CHRM3: variants seen among roughly 807,000 people sequenced by gnomAD.
The protein encoded by CHRM3 is muscarinic acetylcholine receptor M3.
CHRM3 carries 11 observed loss-of-function variants against 41.8 expected under a neutral mutation model. The ratio of observed to expected loss-of-function variants is 0.26; its 90% CI spans 0.17 to 0.44. The LOEUF is 0.44. Among genes scored for constraint, CHRM3 ranks in the 20% least tolerant of loss-of-function variants. CHRM3 has a pLI of 1.00. For missense variants in CHRM3, 571 were observed against 745.4 expected (o/e 0.77, Z 2.72); for synonymous variants, 297 against 301.4 (o/e 0.99, Z 0.15).
chr1:239,794,384 G>GTTT, intron 5 of CHRM3, among the ~76,000 whole-genome samples: 1 of 119,150 alleles, frequency 8.4e-6, no homozygotes. Context: ...TAATTCGTTT[G>GTTT]TTGTTTTTTT....
rs1366088909 is a variant in CHRM3, at chr1:239,579,655, A to AT, written c.-313+33913dup. 5.3e-5 allele frequency among the ~76,000 whole-genome samples: 8 copies of AT among 152,146 alleles called. No homozygotes were observed. In the East Asian group the frequency reaches 1.4e-3, roughly 26 times the overall value. ...GTGGGGTTTCTTATTCCTAAAATAAATTTTTTTGCCTTCAATAATTGTTGT... is the reference window on the plus strand; with the variant it reads ...GTGGGGTTTCTTATTCCTAAAATAAATTTTTTTTGCCTTCAATAATTGTTGT... On this transcript the variant is annotated intron_variant, in intron 3 of 6. Coordinates refer to ENST00000676153, the MANE Select transcript of CHRM3 (RefSeq NM_001375978.1).
At chr1:239,710,701 TA>T (rs941222733) in intron 5 of CHRM3, among the ~76,000 whole-genome samples, 35 of 152,196 alleles carry the variant, frequency 2.3e-4, no homozygotes, top group African/African-American at 8.2e-4. Flanking sequence ...AGTAAATTAA[TA>T]TTTTTTTCTT....
At chr1:239,733,352 A>G (rs759578244) in intron 5 of CHRM3, among the ~76,000 whole-genome samples, 3 of 152,076 alleles carry the variant, frequency 2.0e-5, no homozygotes, top group Non-Finnish European at 4.4e-5. Flanking sequence ...AAAATTCAAA[A>G]TGAAGATACC....
In CHRM3 at chr1:239,748,419, TC is replaced by T. The variant is rs997951554; in HGVS notation, c.-147+70133del. Among the ~76,000 whole-genome samples, 2 of 152,176 alleles carry T rather than the reference TC, an allele frequency of 1.3e-5. No individual in the cohort carries two copies. The highest frequency in any genetic ancestry group is 2.4e-5 in the African/African-American group (1 of 41,438). The stretch of plus-strand genomic sequence containing the variant: ...TTACTGCCACTCCATGGTGCACATT[TC>T]CTGAGCCATTATTCTGGAAAAGGAT... On this transcript the variant is annotated intron_variant, in intron 5 of 6. Coordinates refer to ENST00000676153, the MANE Select transcript of CHRM3 (RefSeq NM_001375978.1). This position sits in a 1 kb window ranked among gnomAD's most constrained non-coding sequence, Gnocchi z 4.3.
intron 5 of CHRM3, among the ~76,000 whole-genome samples, chr1:239,785,252 G>A (rs556104355): frequency 5.9e-5 from 9 of 152,246 alleles, no homozygotes; most frequent in South Asian, 2.1e-4. Context: ...TCCTCAGGCC[G>A]TGATTGTAGA....
intron 6 of CHRM3, among the ~76,000 whole-genome samples, chr1:239,878,653 T>C (rs1677325150): frequency 6.6e-6 from 1 of 151,844 alleles, no homozygotes; most frequent in Non-Finnish European, 1.5e-5. Flanking sequence ...ATATATACCA[T>C]ATATATGCCC....
chr1:239,390,750 C>T (rs746620714), intron 1 of CHRM3, among the ~76,000 whole-genome samples: 1 of 152,162 alleles, frequency 6.6e-6, no homozygotes, highest in African/African-American at 2.4e-5. Context: ...GAACTAGCAC[C>T]TGGAGAGCTC....
chr1:239,802,282 T>A (rs560536489), intron 5 of CHRM3, among the ~76,000 whole-genome samples: 2 of 152,292 alleles, frequency 1.3e-5, no homozygotes, highest in South Asian at 4.1e-4. Flanking sequence ...ATTAAGCATG[T>A]GCCATAGAAA....
At chr1:239,437,711 C>T (rs930236647) in intron 1 of CHRM3, among the ~76,000 whole-genome samples, 9 of 151,890 alleles carry the variant, frequency 5.9e-5, no homozygotes, top group African/African-American at 1.7e-4. Context: ...TGGGCCTGTG[C>T]ACACCATTGA....
chr1:239,820,370 T>C (rs1350703858), intron 5 of CHRM3, among the ~76,000 whole-genome samples: 1 of 152,112 alleles, frequency 6.6e-6, no homozygotes, highest in Non-Finnish European at 1.5e-5. Flanking sequence ...GCAAAGTCTG[T>C]TGGGGCCACA....
intron 5 of CHRM3, among the ~76,000 whole-genome samples, chr1:239,776,875 A>G (rs1347144540): frequency 6.6e-6 from 1 of 152,138 alleles, no homozygotes; most frequent in African/African-American, 2.4e-5. Flanking sequence ...AAAGCCCCTC[A>G]TGAAACCATC....
intron 3 of CHRM3, among the ~76,000 whole-genome samples, chr1:239,590,256 C>T (rs1663974360): frequency 6.6e-6 from 1 of 152,152 alleles, no homozygotes; most frequent in African/African-American, 2.4e-5. Context: ...TTCCCTCATA[C>T]TTTCCCTTCA....
At chr1:239,521,413 A>C (rs1669630489) in intron 2 of CHRM3, among the ~76,000 whole-genome samples, 1 of 152,200 alleles carries the variant, frequency 6.6e-6, no homozygotes, top group Non-Finnish European at 1.5e-5. Flanking sequence ...ATTCTCCTGG[A>C]AGGCAGCTTC....
intron 6 of CHRM3, among the ~76,000 whole-genome samples, chr1:239,897,567 C>A (rs967715672): frequency 2.0e-5 from 3 of 152,184 alleles, no homozygotes; most frequent in Non-Finnish European, 4.4e-5. Flanking sequence ...ATAAATACCT[C>A]TTTAAAATGT....
intron 5 of CHRM3, among the ~76,000 whole-genome samples, chr1:239,799,769 A>AG (rs1003800877): frequency 6.6e-5 from 10 of 152,232 alleles, no homozygotes; most frequent in African/African-American, 2.2e-4. Flanking sequence ...GCCCTGTCTC[A>AG]GGGGGAGAAA....
intron 1 of CHRM3, among the ~76,000 whole-genome samples, chr1:239,459,487 G>T (rs1665200201): frequency 1.3e-5 from 2 of 152,016 alleles, no homozygotes; most frequent in African/African-American, 4.8e-5. Context: ...ATCATCCTTA[G>T]AATCCTTAAC....
intron 2 of CHRM3, among the ~76,000 whole-genome samples, chr1:239,507,065 C>A (rs1465207281): frequency 6.6e-6 from 1 of 152,100 alleles, no homozygotes; most frequent in Non-Finnish European, 1.5e-5. Context: ...GTCTCATAAG[C>A]AGAAGGGACT....
At chr1:239,469,185 G>T (rs1198829853) in intron 1 of CHRM3, among the ~76,000 whole-genome samples, 3 of 152,132 alleles carry the variant, frequency 2.0e-5, no homozygotes, top group African/African-American at 2.4e-5. Flanking sequence ...TATTTTATAG[G>T]GTTATTGTAG....
At chr1:239,884,751 T>G (rs1489116441) in intron 6 of CHRM3, among the ~76,000 whole-genome samples, 1 of 152,216 alleles carries the variant, frequency 6.6e-6, no homozygotes, top group Non-Finnish European at 1.5e-5. Flanking sequence ...AACTCAGCAG[T>G]TGTATGGTGC....
Sources: gnomAD v4.1 joint callset for allele counts (sites outside exome capture counted in the v4.1 genomes callset) on GRCh38, gnomAD v4.1.1 for gene constraint, Gnocchi (gnomAD v3.1) non-coding constraint, MANE v1.5 for transcripts, NCBI Gene and HGNC (gene_info 2026-07-23, HGNC 2026-07-21) for gene names.